The following PRDM2 variants were observed in gnomAD, a reference collection of about 807,000 sequenced individuals.
PRDM2 encodes the protein PR domain zinc finger protein 2.
Under a neutral mutation model 130.0 loss-of-function variants are expected in PRDM2, and 30 were observed. That is an observed-to-expected ratio of 0.23 (90% CI 0.17 to 0.31). PRDM2 has a LOEUF of 0.31. Ranked by LOEUF, PRDM2 falls within the 10% of genes least tolerant of loss-of-function variation. The pLI is 1.00. For synonymous variants in PRDM2, 871 were observed against 782.4 expected, an observed-to-expected ratio of 1.11 and a Z score of -1.89; for missense variants, 2,011 against 2,108.4, an observed-to-expected ratio of 0.95 and a Z score of 0.90.
chr1:13,700,864 G>C (rs1258802144), intron 1 of PRDM2, among the ~76,000 whole-genome samples: 1 of 152,104 alleles, frequency 6.6e-6, no homozygotes, highest in East Asian at 1.9e-4. Flanking sequence ...ACGGGTGTAT[G>C]TGTGTGTGTG....
At chr1:13,775,928 A>T (rs1016426035) in intron 7 of PRDM2, among the ~76,000 whole-genome samples, 4 of 152,106 alleles carry the variant, frequency 2.6e-5, no homozygotes, top group African/African-American at 9.7e-5. Flanking sequence ...AGATACCTTC[A>T]GTGGCTCCCC....
chr1:13,732,023 C>G (rs910155287), intron 3 of PRDM2, among the ~76,000 whole-genome samples: 1 of 152,138 alleles, frequency 6.6e-6, no homozygotes, highest in Admixed American at 6.5e-5. Flanking sequence ...CTTTACCCCC[C>G]ATTCTGTATA....
At chr1:13,798,665 G>C (rs1644959627) in intron 8 of PRDM2, among the ~76,000 whole-genome samples, 2 of 152,110 alleles carry the variant, frequency 1.3e-5, no homozygotes, top group Admixed American at 1.3e-4. Context: ...CAGATTTCTA[G>C]GTTCTTTTTC....
At chr1:13,749,192 G>A (rs1252752589) in intron 5 of PRDM2, among the ~76,000 whole-genome samples, 169 bp from the exon 6 acceptor site, 1 of 151,316 alleles carries the variant, frequency 6.6e-6, no homozygotes, top group East Asian at 1.9e-4. Flanking sequence ...CCGGGCGCCG[G>A]CGCGGCCCGC....
rs144675052 is a variant in PRDM2, at chr1:13,790,837, C to G, written c.5036+8006C>G. Reference sequence around the variant, plus strand: ...GGTCATGTCACTTCCTCCCTCCCCCCCTTCTGCCCTTGTGCCGCTTCCTCT... The same window carrying G: ...GGTCATGTCACTTCCTCCCTCCCCCGCTTCTGCCCTTGTGCCGCTTCCTCT... On this transcript the variant is annotated intron_variant, in intron 8 of 9. Coordinates refer to ENST00000311066, the MANE Select transcript of PRDM2 (RefSeq NM_001393986.1). 2.6e-3 allele frequency among the ~76,000 whole-genome samples: 401 copies of G among 152,268 alleles called. 2 individuals carry two copies. Among genetic ancestry groups the G allele is most frequent in the African/African-American group, 9.2e-3 (382 of 41,550 alleles).
intron 2 of PRDM2, among the ~76,000 whole-genome samples, chr1:13,726,811 A>G (rs1302495850): frequency 6.6e-6 from 1 of 152,156 alleles, no homozygotes; most frequent in Non-Finnish European, 1.5e-5. Context: ...GAAGCAGAGA[A>G]GTTCTTTAGC....
intron 6 of PRDM2, among the ~76,000 whole-genome samples, chr1:13,761,375 A>G (rs1235185408): frequency 6.6e-6 from 1 of 152,192 alleles, no homozygotes; most frequent in African/African-American, 2.4e-5. Context: ...AATCAGGAAA[A>G]AAACAAATGG....
intron 1 of PRDM2, among the ~76,000 whole-genome samples, chr1:13,711,094 A>G (rs1199267060): frequency 6.6e-6 from 1 of 152,034 alleles, no homozygotes; most frequent in Admixed American, 6.6e-5. Context: ...CAAAAAAAAA[A>G]AAAAAAGAGC....
intron 6 of PRDM2, among the ~76,000 whole-genome samples, chr1:13,757,058 A>G (rs938920226): frequency 7.2e-5 from 11 of 152,246 alleles, no homozygotes; most frequent in Non-Finnish European, 1.5e-4. Context: ...GCCAAGGTGA[A>G]TTTTCACTGC....
In PRDM2 at chr1:13,716,691, A is replaced by T. The variant is rs565510724; in HGVS notation, c.9+1077A>T. Among the ~76,000 whole-genome samples the T allele has an allele frequency of 3.9e-5, 6 of 152,306 alleles. No homozygotes were observed. In the East Asian group the frequency reaches 9.6e-4, roughly 24 times the overall value. ...GGTGTTCTGATAAGTAGAGCCAGTTATGTGGATCTAATAATATATTCTAGA... is the reference window on the plus strand; with the variant it reads ...GGTGTTCTGATAAGTAGAGCCAGTTTTGTGGATCTAATAATATATTCTAGA... On this transcript the variant is annotated intron_variant, in intron 2 of 9. Coordinates refer to ENST00000311066, the MANE Select transcript of PRDM2 (RefSeq NM_001393986.1).
chr1:13,758,213 G>A (rs903338645), intron 6 of PRDM2, among the ~76,000 whole-genome samples: 2 of 152,064 alleles, frequency 1.3e-5, no homozygotes, highest in African/African-American at 4.8e-5. Context: ...AGAGGCAGAG[G>A]TGGGTGGATC....
intron 1 of PRDM2, among the ~76,000 whole-genome samples, chr1:13,710,006 A>G (rs1459640800): frequency 2.0e-5 from 3 of 152,226 alleles, no homozygotes; most frequent in Non-Finnish European, 2.9e-5. Context: ...TACAAATCAA[A>G]TATGTATTTT....
chr1:13,714,473 C>T (rs1248686522), intron 1 of PRDM2, among the ~76,000 whole-genome samples: 4 of 151,986 alleles, frequency 2.6e-5, no homozygotes, highest in Admixed American at 2.6e-4. Context: ...TTCAGACGGC[C>T]AGGCCCTAAC....
At chr1:13,732,969 A>G in intron 4 of PRDM2, 87 bp downstream of exon 4, 1 of 981,754 alleles carries the variant, frequency 1.0e-6, no homozygotes, top group Non-Finnish European at 1.5e-6. Flanking sequence ...TGAATTTAAA[A>G]CAATCATTTT....
chr1:13,709,665 C>T (rs937888931), intron 1 of PRDM2, among the ~76,000 whole-genome samples: 1 of 152,138 alleles, frequency 6.6e-6, no homozygotes, highest in Non-Finnish European at 1.5e-5. Context: ...TCTAAGACTC[C>T]TTTCCCAAAA....
At chr1:13,722,761 T>G in intron 2 of PRDM2, 1 of 483,850 alleles carries the variant, frequency 2.1e-6, no homozygotes, top group Non-Finnish European at 4.1e-6. Context: ...GTGACTTATT[T>G]TCTTTGCTTC....
intron 6 of PRDM2, among the ~76,000 whole-genome samples, chr1:13,759,198 TAAAC>T (rs1471072710): frequency 2.7e-5 from 4 of 148,680 alleles, no homozygotes; most frequent in East Asian, 2.0e-4. Context: ...ACTACAGCGA[TAAAC>T]AATCTTTTTT....
rs1377897878 is a variant in PRDM2 at position 13,806,481 on chromosome 1, C to G, written c.5037-9946C>G. 6.6e-6 allele frequency among the ~76,000 whole-genome samples: 1 copy of G among 152,170 alleles called. No individual in the cohort carries two copies. Among genetic ancestry groups the G allele is most frequent in the African/African-American group, 2.4e-5 (1 of 41,426 alleles). On this transcript the variant is annotated intron_variant, in intron 8 of 9. Coordinates refer to ENST00000311066, the MANE Select transcript of PRDM2 (RefSeq NM_001393986.1). This position sits in a 1 kb window ranked among gnomAD's most constrained non-coding sequence, Gnocchi z 4.1. ...AAAATGAAACTGTCTCTCCATGAAG[C>G]CTCCCTCTCCTGCTGTCCTCCCTAT...
intron 8 of PRDM2, among the ~76,000 whole-genome samples, chr1:13,809,824 A>G (rs1645142516): frequency 6.6e-6 from 1 of 152,194 alleles, no homozygotes; most frequent in Non-Finnish European, 1.5e-5. Flanking sequence ...ATAACAGAAT[A>G]CCATGGACTA....
Sources: gnomAD v4.1 joint callset for allele counts (sites outside exome capture counted in the v4.1 genomes callset) on GRCh38, gnomAD v4.1.1 for gene constraint, Gnocchi (gnomAD v3.1) non-coding constraint, MANE v1.5 for transcripts, NCBI Gene and HGNC (gene_info 2026-07-23, HGNC 2026-07-21) for gene names.